PRKCSH: variants seen among roughly 807,000 people sequenced by gnomAD.
PRKCSH encodes the protein glucosidase 2 subunit beta.
In PRKCSH, 42 loss-of-function variants were observed where a neutral mutation model predicts 79.7. The observed-to-expected ratio is 0.53, with a 90% CI of 0.41 to 0.68. The LOEUF is 0.68. Ranked by LOEUF, PRKCSH falls within the 30% of genes least tolerant of loss-of-function variation. The probability of loss-of-function intolerance (pLI) is 0.00; values close to 1 mark genes in which losing one functional copy is unlikely to be tolerated. For missense variants in PRKCSH, 686 were observed against 709.0 expected (o/e 0.97, Z 0.37); for synonymous variants, 325 against 288.2 (o/e 1.13, Z -1.29).
Position 11,435,656 on chromosome 19 carries a change from G to C in PRKCSH, c.-128G>C, listed in dbSNP as rs754181454. 40 of 1,288,724 alleles carry C rather than the reference G, an allele frequency of 3.1e-5. 1 individual carries two copies. In the South Asian group the frequency reaches 4.9e-4, roughly 16 times the overall value. 79.8% of individuals were successfully genotyped at this position (1,288,724 alleles called of 1,614,324 possible). A position where few individuals can be genotyped will look rare whatever the true frequency, so the allele number is the denominator to read the frequency against. On this transcript the variant is annotated 5_prime_UTR_variant, in exon 1 of 18. Transcript: ENST00000677123. ...CTTTCTTTCTGCAGCAGGAACCGCG[G>C]CTGCTGGACAAGAGGGGTGCGGTGG... is the stretch of plus-strand genomic sequence containing the variant.
chr19:11,441,493 T>G (rs1394447120), intron 6 of PRKCSH, 136 bp downstream of exon 6: 9 of 833,864 alleles, frequency 1.1e-5, no homozygotes, highest in Non-Finnish European at 1.7e-5. Context: ...CTTTGCTTTC[T>G]CAGTTGTGTG....
chr19:11,436,789 A>G lies in PRKCSH; in HGVS notation c.196+284A>G, dbSNP rs148610628. The G allele has an allele frequency of 2.5e-3, 1,072 of 427,190 alleles. 10 individuals are homozygous for G. The Middle Eastern group carries it at 0.039, about 16-fold the overall frequency. 26.5% of individuals were successfully genotyped at this position (427,190 alleles called of 1,614,324 possible). A position where few individuals can be genotyped will look rare whatever the true frequency, so the allele number is the denominator to read the frequency against. On this transcript the variant is annotated intron_variant, in intron 3 of 17. Coordinates refer to ENST00000677123, the MANE Select transcript of PRKCSH (RefSeq NM_001289104.2). ...GGGTCAACACGGGCAAACCCCTAGA[A>G]GTGGGAGACAGGGTGGGGCCAAGAG...
chr19:11,449,054 C>T lies in PRKCSH; in HGVS notation c.1362-22C>T, dbSNP rs201651868. On this transcript the variant is annotated intron_variant, in intron 15 of 17. Coordinates refer to ENST00000677123, the MANE Select transcript of PRKCSH (RefSeq NM_001289104.2). This position sits in a 1 kb window ranked among gnomAD's most constrained non-coding sequence, Gnocchi z 6.4. Reference sequence around the variant, plus strand: ...GGTGCCCCGACACCGGCCCAGCCCTCAGCACCCTGTGTCTCTCACAGCACC... The same window carrying T: ...GGTGCCCCGACACCGGCCCAGCCCTTAGCACCCTGTGTCTCTCACAGCACC... 20 of 1,613,160 alleles carry T rather than the reference C, an allele frequency of 1.2e-5. No homozygotes were observed. The highest frequency in any genetic ancestry group is 8.5e-7 in the Non-Finnish European group (1 of 1,179,978).
rs866469235 is a variant in PRKCSH at position 11,449,098 on chromosome 19, C to T, written c.1384C>T (p.Pro462Ser). Residue 462 changes from proline to serine, a missense_variant, in exon 16 of 18, where the codon CCC becomes TCC. Pro to Ser is a moderately conservative substitution (Grantham distance 74). Transcript: ENST00000677123. This position sits in a 1 kb window ranked among gnomAD's most constrained non-coding sequence, Gnocchi z 6.4. The part of the protein sequence containing the change: ...SLGTWGSWIG[P>S]DHDKFSAMKY... ...CAGCACCTGGGGCTCATGGATTGGC[C>T]CCGACCACGACAAGTTCAGTGCCAT... 3.7e-6 allele frequency: 6 copies of T among 1,613,488 alleles called. No individual in the cohort carries two copies. The highest frequency in any genetic ancestry group is 1.6e-4 in the Middle Eastern group (1 of 6,084).
intron 8 of PRKCSH, chr19:11,445,957 G>GACCAAGGC (rs1304441767): frequency 3.8e-6 from 2 of 529,176 alleles, no homozygotes; most frequent in East Asian, 6.6e-5. Flanking sequence ...CTGGGTGGGG[G>GACCAAGGC]ACCAAGGCAG....
In PRKCSH at chr19:11,442,465, C is replaced by T. The variant is rs1164981310; in HGVS notation, c.548C>T (p.Ala183Val). The T allele has an allele frequency of 1.2e-6, 2 of 1,612,150 alleles. No individual in the cohort carries two copies. Among genetic ancestry groups the T allele is most frequent in the African/African-American group, 1.3e-5 (1 of 74,850 alleles). ...ATGCTGCGGACAGTGAAGGAGGAAG[C>T]TGAGAAGCCAGAGAGAGAGGCCAAA... ...VEMLRTVKEEAEKPEREAKEQ... is the reference protein window; with the variant it reads ...VEMLRTVKEEVEKPEREAKEQ... Residue 183 changes from alanine (A) to valine (V), a missense_variant, in exon 7 of 18, where the codon GCT becomes GTT. By Grantham distance (64) the Ala-to-Val change is moderately conservative. This residue lies in a region of PRKCSH where 549 missense variants were observed against 520.2 expected (regional missense o/e 1.06). Transcript: ENST00000677123.
At position 11,447,759 on chromosome 19, in the gene PRKCSH, TACG is replaced by T. The variant is rs1307061017; in HGVS notation, c.1101_1103del (p.Asp367del). Reference sequence around the variant, plus strand: ...TGCTGAGGAAGACAAAATGCCGCCCTACGACGAGCAGACGCAGGCCTTCATCGA... The same window carrying T: ...TGCTGAGGAAGACAAAATGCCGCCCTACGAGCAGACGCAGGCCTTCATCGA... On this transcript the variant is annotated inframe_deletion, in exon 12 of 18. Transcript: ENST00000677123. The surrounding 1 kb of genome is among the most constrained non-coding windows in gnomAD (Gnocchi z 5.6). 27 of 1,593,324 alleles carry T rather than the reference TACG, an allele frequency of 1.7e-5. No individual in the cohort carries two copies. The highest frequency in any genetic ancestry group is 2.3e-5 in the Non-Finnish European group (27 of 1,170,906).
intron 5 of PRKCSH, among the ~76,000 whole-genome samples, chr19:11,439,900 T>G (rs1969976056): frequency 6.6e-6 from 1 of 151,826 alleles, no homozygotes. Flanking sequence ...ATTACAGATG[T>G]GAGCCACCAT....
At chr19:11,439,605 C>CTTTTTTTTTTT (rs758607686) in intron 5 of PRKCSH, among the ~76,000 whole-genome samples, 3 of 68,832 alleles carry the variant, frequency 4.4e-5, no homozygotes, top group East Asian at 4.3e-4. Context: ...TTTTTCTTTT[C>CTTTTTTTTTTT]TTTTTTTTTT....
At chr19:11,443,506 C>T (rs956703863) in intron 7 of PRKCSH, among the ~76,000 whole-genome samples, 1 of 151,204 alleles carries the variant, frequency 6.6e-6, no homozygotes, top group African/African-American at 2.4e-5. Flanking sequence ...AGATTGCGCC[C>T]CTATATTCCA....
At chr19:11,445,494 G>A in intron 8 of PRKCSH, 21 bp downstream of exon 8, 3 of 1,612,082 alleles carry the variant, frequency 1.9e-6, no homozygotes, top group Non-Finnish European at 2.5e-6. Flanking sequence ...CCTAGTTGGA[G>A]CTGCCCACCT....
chr19:11,440,458 T>A (rs1970010528), intron 5 of PRKCSH, among the ~76,000 whole-genome samples: 1 of 144,320 alleles, frequency 6.9e-6, no homozygotes. Context: ...GGCCCACACT[T>A]TTTTTTGAGT....
chr19:11,449,591 G>A lies in PRKCSH; in HGVS notation c.*16+163G>A, dbSNP rs1970497170. The A allele has an allele frequency of 1.1e-6, 1 of 941,538 alleles. No individual in the cohort carries two copies. Among genetic ancestry groups the A allele is most frequent in the Non-Finnish European group, 1.6e-6 (1 of 633,160 alleles). The allele number at this position is 941,538 out of a possible 1,614,324, so 58.3% of individuals were successfully genotyped here. A position where few individuals can be genotyped will look rare whatever the true frequency, so the allele number is the denominator to read the frequency against. On this transcript the variant is annotated intron_variant, in intron 17 of 17. Transcript: ENST00000677123. The surrounding 1 kb of genome is among the most constrained non-coding windows in gnomAD (Gnocchi z 6.4). ...GGAGTCTCACTCTTTGGCCCAGGCTGGAGTGCAGTGATGCGACCTCAGCTG... is the reference window on the plus strand; with the variant it reads ...GGAGTCTCACTCTTTGGCCCAGGCTAGAGTGCAGTGATGCGACCTCAGCTG...
intron 7 of PRKCSH, among the ~76,000 whole-genome samples, chr19:11,443,624 C>T (rs1009335170): frequency 4.0e-5 from 6 of 151,748 alleles, no homozygotes; most frequent in Admixed American, 2.0e-4. Context: ...GCAGGAGAAT[C>T]GCTGGAACCC....
chr19:11,449,482 G>C lies in PRKCSH; in HGVS notation c.*16+54G>C. The C allele has an allele frequency of 1.9e-6, 3 of 1,608,942 alleles. No individual in the cohort carries two copies. Among genetic ancestry groups the C allele is most frequent in the Non-Finnish European group, 2.5e-6 (3 of 1,177,634 alleles). ...CTGCCCCAGCAAGGGGAGGCGGCGG[G>C]CCCTGAGGAAGATGGACCCACATGG... is the stretch of plus-strand genomic sequence containing the variant. On this transcript the variant is annotated intron_variant, in intron 17 of 17. Transcript: ENST00000677123. The surrounding 1 kb of genome is among the most constrained non-coding windows in gnomAD (Gnocchi z 6.4).
At chr19:11,440,201 G>A (rs1969994539) in intron 5 of PRKCSH, among the ~76,000 whole-genome samples, 1 of 151,846 alleles carries the variant, frequency 6.6e-6, no homozygotes, top group African/African-American at 2.4e-5. Context: ...AGGCTGGAGT[G>A]CAGTGGTGTG....
At position 11,449,311 on chromosome 19, in the gene PRKCSH, G is replaced by A; in HGVS notation, c.1507G>A (p.Glu503Lys). The change falls in exon 17 of 18, where the codon GAG becomes AAG. Residue 503 changes from glutamate (E) to lysine (K), a missense_variant. Physicochemically the swap from Glu to Lys is moderately conservative, Grantham distance 56. Transcript: ENST00000677123. The surrounding 1 kb of genome is among the most constrained non-coding windows in gnomAD (Gnocchi z 6.4). ...GKETMVTSTT[E>K]PSRCEYLMEL... is the part of the protein sequence containing the mutation. ...AGAGACCATGGTGACCAGCACCACAGAGCCCAGTCGCTGCGAGTACCTCAT... is the reference window on the plus strand; with the variant it reads ...AGAGACCATGGTGACCAGCACCACAAAGCCCAGTCGCTGCGAGTACCTCAT... The A allele has an allele frequency of 6.2e-7, 1 of 1,613,646 alleles. No homozygotes were observed. The highest frequency in any genetic ancestry group is 8.5e-7 in the Non-Finnish European group (1 of 1,179,970).
rs748824042 is a variant in PRKCSH, at chr19:11,448,811, G to A, written c.1287-103G>A. On this transcript the variant is annotated intron_variant, in intron 14 of 17. Coordinates refer to ENST00000677123, the MANE Select transcript of PRKCSH (RefSeq NM_001289104.2). The surrounding 1 kb of genome is among the most constrained non-coding windows in gnomAD (Gnocchi z 4.4). ...GGTTTAGGGTTGGTCATTGGAGTTG[G>A]AGGTACCCTGTGTGTGGGGACTGGA... 2 of 1,464,382 alleles carry A rather than the reference G, an allele frequency of 1.4e-6. No homozygotes were observed. The highest frequency in any genetic ancestry group is 1.9e-6 in the Non-Finnish European group (2 of 1,045,934). The allele number at this position is 1,464,382 out of a possible 1,614,324, so 90.7% of individuals were successfully genotyped here. A position where few individuals can be genotyped will look rare whatever the true frequency, so the allele number is the denominator to read the frequency against.
In PRKCSH at chr19:11,446,300, C is replaced by T; in HGVS notation, c.712C>T (p.Pro238Ser). The T allele has an allele frequency of 6.2e-7, 1 of 1,613,802 alleles. No individual in the cohort carries two copies. The highest frequency in any genetic ancestry group is 8.5e-7 in the Non-Finnish European group (1 of 1,179,830). Residue 238 changes from proline (P) to serine (S), a missense_variant, in exon 9 of 18, where the codon CCG (proline) becomes TCG (serine). By Grantham distance (74) the Pro-to-Ser change is moderately conservative. This residue lies in a region of PRKCSH where 549 missense variants were observed against 520.2 expected (regional missense o/e 1.06). Coordinates refer to ENST00000677123, the MANE Select transcript of PRKCSH (RefSeq NM_001289104.2). ...CTCGGTGACTGAGCTGCAGACTCACCCGGAGCTGGACACAGATGGGGATGG... is the reference window on the plus strand; with the variant it reads ...CTCGGTGACTGAGCTGCAGACTCACTCGGAGCTGGACACAGATGGGGATGG... ...TVSVTELQTH[P>S]ELDTDGDGAL...
Sources: gnomAD v4.1 joint callset for allele counts (sites outside exome capture counted in the v4.1 genomes callset) on GRCh38, gnomAD v4.1.1 for gene constraint, gnomAD v4.1.1 regional missense constraint, Gnocchi (gnomAD v3.1) non-coding constraint, MANE v1.5 for transcripts, NCBI Gene and HGNC (gene_info 2026-07-23, HGNC 2026-07-21) for gene names.